The following EXT1 variants were observed in gnomAD, a reference collection of about 807,000 sequenced individuals.
The protein encoded by EXT1 is exostosin-1.
Under a neutral mutation model 82.5 loss-of-function variants are expected in EXT1, and 20 were observed. The ratio of observed to expected loss-of-function variants is 0.24; its 90% CI spans 0.17 to 0.35. EXT1 has a LOEUF of 0.35. Among genes scored for constraint, EXT1 ranks in the 10% least tolerant of loss-of-function variants. The pLI is 1.00. For synonymous variants in EXT1, 348 were observed against 350.8 expected (o/e 0.99, Z 0.09); for missense variants, 757 against 936.5 (o/e 0.81, Z 2.50).
At chr8:118,043,132 G>A (rs1816562050) in intron 1 of EXT1, among the ~76,000 whole-genome samples, 1 of 152,114 alleles carries the variant, frequency 6.6e-6, no homozygotes, top group African/African-American at 2.4e-5. Context: ...AAGAATTCCA[G>A]GCACACAGAG....
intron 1 of EXT1, among the ~76,000 whole-genome samples, chr8:117,918,127 T>C (rs947581086): frequency 6.6e-6 from 1 of 152,196 alleles, no homozygotes; most frequent in Non-Finnish European, 1.5e-5. Context: ...CACGAGATGC[T>C]GTAACAAAAG....
intron 1 of EXT1, among the ~76,000 whole-genome samples, chr8:118,108,170 C>T (rs7837824): frequency 0.53 from 80,361 of 152,018 alleles, 23,183 homozygotes; most frequent in Middle Eastern, 0.67. Flanking sequence ...CCACAGAAAA[C>T]GTAGAAACGT....
chr8:117,844,187 C>T (rs1290486496), intron 1 of EXT1, among the ~76,000 whole-genome samples: 1 of 125,974 alleles, frequency 7.9e-6, no homozygotes, highest in Non-Finnish European at 1.7e-5. Flanking sequence ...AGATCTTGCT[C>T]TGTCACCCAG....
intron 1 of EXT1, among the ~76,000 whole-genome samples, chr8:117,997,724 G>C (rs1458662997): frequency 6.6e-6 from 1 of 152,126 alleles, no homozygotes; most frequent in Non-Finnish European, 1.5e-5. Flanking sequence ...TCTGTGCTTG[G>C]TCTGAAACAT....
intron 4 of EXT1, among the ~76,000 whole-genome samples, chr8:117,829,407 C>T (rs781546671): frequency 8.6e-5 from 13 of 152,000 alleles, no homozygotes; most frequent in Non-Finnish European, 1.3e-4. Context: ...CCTGATTCTC[C>T]TCTTAACACA....
chr8:117,985,252 C>T (rs761242260), intron 1 of EXT1, among the ~76,000 whole-genome samples: 107 of 152,230 alleles, frequency 7.0e-4, no homozygotes, highest in Non-Finnish European at 1.1e-3. Context: ...TGCCAGCTCT[C>T]AAAGGCACAA....
rs796953908 is a variant in EXT1 at position 118,080,423 on chromosome 8, C to CT, written c.962+29661dup. Among the ~76,000 whole-genome samples the CT allele has an allele frequency of 3.9e-3, 568 of 146,008 alleles. 3 individuals are homozygous for CT. Among genetic ancestry groups the CT allele is most frequent in the African/African-American group, 7.9e-3 (316 of 40,076 alleles). On this transcript the variant is annotated intron_variant, in intron 1 of 10. Coordinates refer to ENST00000378204, the MANE Select transcript of EXT1 (RefSeq NM_000127.3). ...ATAGATGAATTAAGTAAATAACTGCCTTTTTTTTTTTACCTCCCATAAATT... is the reference window on the plus strand; with the variant it reads ...ATAGATGAATTAAGTAAATAACTGCCTTTTTTTTTTTTACCTCCCATAAATT...
intron 1 of EXT1, among the ~76,000 whole-genome samples, chr8:117,980,402 C>T (rs1398492406): frequency 6.6e-6 from 1 of 152,166 alleles, no homozygotes; most frequent in Non-Finnish European, 1.5e-5. Context: ...CAATTCAAAT[C>T]AGCAGGAGCA....
At chr8:117,980,713 T>G (rs376874473) in intron 1 of EXT1, among the ~76,000 whole-genome samples, 10,426 of 50,620 alleles carry the variant, frequency 0.21, 663 homozygotes, top group Admixed American at 0.3. Flanking sequence ...TTTTTTTTTT[T>G]TTTTTTTTTT....
chr8:117,984,234 T>C (rs540256729), intron 1 of EXT1, among the ~76,000 whole-genome samples: 33 of 152,076 alleles, frequency 2.2e-4, no homozygotes, highest in African/African-American at 8.0e-4. Context: ...GCCTGGCGAA[T>C]ATGGCAAAAC....
At chr8:117,933,563 G>C (rs1047226445) in intron 1 of EXT1, among the ~76,000 whole-genome samples, 2 of 152,154 alleles carry the variant, frequency 1.3e-5, no homozygotes, top group African/African-American at 4.8e-5. Flanking sequence ...AAAGTGATGA[G>C]AGCTATGGCA....
intron 7 of EXT1, among the ~76,000 whole-genome samples, chr8:117,814,833 G>C (rs1481194661): frequency 1.3e-5 from 2 of 152,134 alleles, no homozygotes; most frequent in African/African-American, 2.4e-5. Context: ...CCCCAAATCT[G>C]AGTACCCCTA....
intron 1 of EXT1, among the ~76,000 whole-genome samples, chr8:117,988,458 T>G (rs1815364624): frequency 6.6e-6 from 1 of 152,174 alleles, no homozygotes; most frequent in African/African-American, 2.4e-5. Flanking sequence ...TTTTAATAAT[T>G]ATCTCAGGTG....
chr8:117,812,908 G>A lies in EXT1; in HGVS notation c.1686C>T (p.Leu562=), dbSNP rs139727582. Reference sequence around the variant, plus strand: ...AAAGCACCGTGTCCTCGTCAAGGCTGAGCACGGCGTCTGTGATGATGTTGT... The same window carrying A: ...AAAGCACCGTGTCCTCGTCAAGGCTAAGCACGGCGTCTGTGATGATGTTGT... ...PYDNIITDAV[L]SLDEDTVLST... is the part of the protein sequence containing the mutation. Residue 562 remains leucine, a synonymous_variant, in exon 8 of 11, where the codon CTC becomes CTT. Coordinates refer to ENST00000378204, the MANE Select transcript of EXT1 (RefSeq NM_000127.3). 6.2e-7 allele frequency: 1 copy of A among 1,613,970 alleles called. No homozygotes were observed. Among genetic ancestry groups the A allele is most frequent in the African/African-American group, 1.3e-5 (1 of 74,916 alleles).
At chr8:117,857,529 T>C (rs557337707) in intron 1 of EXT1, among the ~76,000 whole-genome samples, 6 of 103,542 alleles carry the variant, frequency 5.8e-5, no homozygotes, top group Admixed American at 2.9e-4. Flanking sequence ...ACGGCAAGAC[T>C]TCCCCCCGCC....
At chr8:117,992,414 C>T (rs545567211) in intron 1 of EXT1, among the ~76,000 whole-genome samples, 7 of 137,294 alleles carry the variant, frequency 5.1e-5, no homozygotes, top group South Asian at 4.6e-4. Flanking sequence ...TAAGCCTCAA[C>T]GGGACCTCCT....
chr8:118,071,528 G>A (rs1817094797), intron 1 of EXT1, among the ~76,000 whole-genome samples: 1 of 151,780 alleles, frequency 6.6e-6, no homozygotes, highest in Non-Finnish European at 1.5e-5. Flanking sequence ...AGTAGTAGGG[G>A]GGCAGGGGTG....
intron 1 of EXT1, among the ~76,000 whole-genome samples, chr8:117,902,197 A>G (rs140228050): frequency 6.6e-6 from 1 of 152,174 alleles, no homozygotes; most frequent in East Asian, 1.9e-4. Flanking sequence ...TATGACAACA[A>G]TGCCTTCTTC....
intron 1 of EXT1, among the ~76,000 whole-genome samples, chr8:117,879,461 A>ATAT (rs944513388): frequency 1.3e-5 from 2 of 151,984 alleles, no homozygotes; most frequent in African/African-American, 4.8e-5. Flanking sequence ...AAGGAACTCT[A>ATAT]TAATGTGGAA....
Sources: allele counts gnomAD v4.1 joint callset (sites outside exome capture counted in the v4.1 genomes callset), GRCh38; gene constraint gnomAD v4.1.1; transcripts MANE v1.5; gene names NCBI Gene and HGNC (gene_info 2026-07-23, HGNC 2026-07-21).